Variants in RPH3A observed in about 807,000 individuals in gnomAD.
RPH3A encodes the protein rabphilin-3A.
In RPH3A, 48 loss-of-function variants were observed where a neutral mutation model predicts 102.2. The ratio of observed to expected loss-of-function variants is 0.47; its 90% CI spans 0.37 to 0.60. The LOEUF is 0.60. Ranked by LOEUF, RPH3A falls within the 20% of genes least tolerant of loss-of-function variation. The probability of loss-of-function intolerance (pLI) is 0.00; values close to 1 mark genes in which losing one functional copy is unlikely to be tolerated. For missense variants in RPH3A, 781 were observed against 910.1 expected (o/e 0.86, Z 1.83); for synonymous variants, 310 against 324.3 (o/e 0.96, Z 0.47).
rs150531516 is a variant in RPH3A, at chr12:112,598,712, C to T, written c.-140+23393C>T. Reference sequence around the variant, plus strand: ...GTACTCAGCACAGCACCTGGCATGTCGTAAGTGCTTAATAAAAGTTACCAA... The same window carrying T: ...GTACTCAGCACAGCACCTGGCATGTTGTAAGTGCTTAATAAAAGTTACCAA... On this transcript the variant is annotated intron_variant, in intron 1 of 21. Transcript: ENST00000543106. Among the ~76,000 whole-genome samples, 298 of 152,194 alleles carry T rather than the reference C, an allele frequency of 2.0e-3. 2 individuals carry two copies. The highest frequency in any genetic ancestry group is 6.6e-3 in the African/African-American group (275 of 41,528).
intron 13 of RPH3A, 94 bp downstream of exon 13, chr12:112,876,960 C>T (rs2042814183): frequency 2.5e-6 from 2 of 814,804 alleles, no homozygotes; most frequent in African/African-American, 1.7e-5. Context: ...CCCTGTCTAT[C>T]CCCAGACCCC....
At chr12:112,771,905 G>A (rs903610784) in intron 1 of RPH3A, among the ~76,000 whole-genome samples, 6 of 152,132 alleles carry the variant, frequency 3.9e-5, no homozygotes, top group Non-Finnish European at 7.3e-5. Flanking sequence ...TTACTTGAGG[G>A]CAAGTGTAGT....
At chr12:112,591,158 C>T (rs545549039) in intron 1 of RPH3A, among the ~76,000 whole-genome samples, 29 of 151,406 alleles carry the variant, frequency 1.9e-4, no homozygotes, top group African/African-American at 6.5e-4. Context: ...TGCTGTGTTG[C>T]CCAGGCTGGC....
intron 1 of RPH3A, among the ~76,000 whole-genome samples, chr12:112,709,724 A>G (rs2136034209): frequency 6.6e-6 from 1 of 152,268 alleles, no homozygotes; most frequent in South Asian, 2.1e-4. Flanking sequence ...CCAAGCTTGT[A>G]GGTTGCAGGT....
chr12:112,749,500 T>C (rs1365790167), intron 1 of RPH3A, among the ~76,000 whole-genome samples: 3 of 152,210 alleles, frequency 2.0e-5, no homozygotes, highest in Non-Finnish European at 4.4e-5. Context: ...ATTTTAAAGA[T>C]TCAGCGTTTT....
intron 1 of RPH3A, among the ~76,000 whole-genome samples, chr12:112,660,958 G>A (rs2040044670): frequency 6.6e-6 from 1 of 152,150 alleles, no homozygotes; most frequent in African/African-American, 2.4e-5. Flanking sequence ...TCTACCAGTT[G>A]GCTTGGTACC....
chr12:112,791,903 A>AGAGAGAGAGAGAGG lies in RPH3A; in HGVS notation c.-247_-246insGAGAGAGAGAGGGA, dbSNP rs1565882498. ...GAGAGAGAGAGAGAGAGAGAGAGAGAGACTCACAGAGCTAAAACCTTCATC... is the reference window on the plus strand; with the variant it reads ...GAGAGAGAGAGAGAGAGAGAGAGAGAGAGAGAGAGAGAGGGACTCACAGAGCTAAAACCTTCATC... On this transcript the variant is annotated 5_prime_UTR_variant, in exon 1 of 22. Transcript: ENST00000389385. The AGAGAGAGAGAGAGG allele has an allele frequency of 2.0e-5, 3 of 150,204 alleles. No homozygotes were observed. Among genetic ancestry groups the AGAGAGAGAGAGAGG allele is most frequent in the Admixed American group, 6.6e-5 (1 of 15,114 alleles). The allele number at this position is 150,204 out of a possible 1,614,324, so 9.3% of individuals were successfully genotyped here.
intron 16 of RPH3A, 72 bp from the exon 17 acceptor site, chr12:112,887,725 C>A: frequency 6.6e-7 from 1 of 1,510,236 alleles, no homozygotes; most frequent in Non-Finnish European, 9.1e-7. Context: ...GTATCAGCTG[C>A]AACTCTTGGC....
chr12:112,888,050 G>A (rs1049693223), intron 17 of RPH3A, 127 bp downstream of exon 17: 4 of 1,017,332 alleles, frequency 3.9e-6, no homozygotes, highest in Non-Finnish European at 5.7e-6. Flanking sequence ...CAGCAGGTCT[G>A]CAGAGGAGAG....
At chr12:112,616,018 C>T (rs1162608586) in intron 1 of RPH3A, among the ~76,000 whole-genome samples, 1 of 152,178 alleles carries the variant, frequency 6.6e-6, no homozygotes, top group Non-Finnish European at 1.5e-5. Context: ...ACTCTATTCT[C>T]CTTGCCAATG....
chr12:112,755,058 C>T (rs1036937590), intron 1 of RPH3A, among the ~76,000 whole-genome samples: 8 of 152,166 alleles, frequency 5.3e-5, no homozygotes, highest in South Asian at 2.1e-4. Context: ...AACACCTAGC[C>T]TAGTGCCTGG....
intron 1 of RPH3A, among the ~76,000 whole-genome samples, chr12:112,581,438 A>G (rs1161506296): frequency 6.6e-6 from 1 of 152,214 alleles, no homozygotes; most frequent in Non-Finnish European, 1.5e-5. Context: ...GGGAGCCATA[A>G]TTTAAGATTT....
At chr12:112,748,816 G>A (rs2040765237) in intron 1 of RPH3A, among the ~76,000 whole-genome samples, 2 of 152,180 alleles carry the variant, frequency 1.3e-5, no homozygotes, top group South Asian at 4.1e-4. Context: ...TTGACACACT[G>A]TGCCAGAGGC....
intron 6 of RPH3A, among the ~76,000 whole-genome samples, chr12:112,866,000 T>C (rs2042605022): frequency 6.6e-6 from 1 of 152,162 alleles, no homozygotes; most frequent in African/African-American, 2.4e-5. Context: ...TCCAAAGCAT[T>C]TGTTCTCAAA....
chr12:112,655,282 G>C (rs553128409), intron 1 of RPH3A, among the ~76,000 whole-genome samples: 5 of 152,322 alleles, frequency 3.3e-5, no homozygotes, highest in African/African-American at 1.2e-4. Flanking sequence ...AGCTTATCTA[G>C]AGTTTCCAAA....
intron 2 of RPH3A, among the ~76,000 whole-genome samples, chr12:112,826,557 C>T (rs1463007927): frequency 1.3e-5 from 2 of 152,146 alleles, no homozygotes. Context: ...TATCTTCACC[C>T]CATGGAGGCC....
At chr12:112,839,552 C>T (rs1021943733) in intron 4 of RPH3A, among the ~76,000 whole-genome samples, 63 of 152,172 alleles carry the variant, frequency 4.1e-4, no homozygotes, top group African/African-American at 1.4e-3. Flanking sequence ...TGGGTTTTCT[C>T]ATGGTGATGA....
intron 1 of RPH3A, among the ~76,000 whole-genome samples, chr12:112,639,261 G>T (rs1353524342): frequency 6.6e-6 from 1 of 152,156 alleles, no homozygotes; most frequent in Non-Finnish European, 1.5e-5. Context: ...TGTTTGCACA[G>T]CCAGAGAGGC....
At chr12:112,724,528 T>G (rs2040573862) in intron 1 of RPH3A, among the ~76,000 whole-genome samples, 1 of 152,248 alleles carries the variant, frequency 6.6e-6, no homozygotes, top group Admixed American at 6.5e-5. Context: ...TATATACTGC[T>G]ATTTCTGCTT....
Sources: gnomAD v4.1 joint callset for allele counts (sites outside exome capture counted in the v4.1 genomes callset) on GRCh38, gnomAD v4.1.1 for gene constraint, MANE v1.5 for transcripts, NCBI Gene and HGNC (gene_info 2026-07-23, HGNC 2026-07-21) for gene names.